The following CDH18 variants were observed in gnomAD, a reference collection of about 807,000 sequenced individuals.
CDH18 encodes cadherin 18.
A neutral mutation model predicts 67.9 loss-of-function variants in CDH18; 31 were observed. The observed-to-expected ratio is 0.46, with a 90% CI of 0.34 to 0.62. The LOEUF is 0.62. Among genes scored for constraint, CDH18 ranks in the 20% least tolerant of loss-of-function variants. The pLI, the probability that CDH18 is intolerant of heterozygous loss-of-function variation, is 0.01. For synonymous variants in CDH18, 362 were observed against 347.2 expected (o/e 1.04, Z -0.48); for missense variants, 890 against 975.5 (o/e 0.91, Z 1.17).
At chr5:19,755,820 C>T (rs576787918) in intron 3 of CDH18, among the ~76,000 whole-genome samples, 2 of 151,924 alleles carry the variant, frequency 1.3e-5, no homozygotes, top group Admixed American at 1.3e-4. Context: ...GGCCAGTCTC[C>T]CCTTTTCACG....
intron 1 of CDH18, among the ~76,000 whole-genome samples, chr5:20,534,482 G>A (rs967616037): frequency 6.6e-6 from 1 of 151,954 alleles, no homozygotes; most frequent in Admixed American, 6.6e-5. Context: ...GAATACAATT[G>A]TCTTTGTTCA....
At chr5:20,110,533 A>T (rs1198865821) in intron 2 of CDH18, among the ~76,000 whole-genome samples, 1 of 152,148 alleles carries the variant, frequency 6.6e-6, no homozygotes, top group Non-Finnish European at 1.5e-5. Context: ...AAATACAAAA[A>T]ATTAGCCGGG....
At chr5:19,629,888 A>G (rs56192743) in intron 5 of CDH18, among the ~76,000 whole-genome samples, 4,517 of 152,274 alleles carry the variant, frequency 0.03, 93 homozygotes, top group Non-Finnish European at 0.047. Context: ...AAATTTGTAG[A>G]AGAAAATTAA....
chr5:20,054,614 C>A (rs929042635), intron 2 of CDH18, among the ~76,000 whole-genome samples: 3 of 152,094 alleles, frequency 2.0e-5, no homozygotes, highest in Non-Finnish European at 4.4e-5. Flanking sequence ...ATTATACCAC[C>A]TTTGCCATCT....
intron 1 of CDH18, among the ~76,000 whole-genome samples, chr5:20,475,123 G>A (rs1310890380): frequency 6.6e-6 from 1 of 152,026 alleles, no homozygotes; most frequent in Non-Finnish European, 1.5e-5. Flanking sequence ...AAAATTCAAT[G>A]TTTAAAATAA....
chr5:20,030,617 G>A (rs1225069893), intron 2 of CDH18, among the ~76,000 whole-genome samples: 2 of 152,112 alleles, frequency 1.3e-5, no homozygotes, highest in Non-Finnish European at 2.9e-5. Flanking sequence ...GCTGAGTTGT[G>A]TTGTACAAAT....
In CDH18 at chr5:20,161,522, G is replaced by C. The variant is rs550193595; in HGVS notation, c.-518+93922C>G. On this transcript the variant is annotated intron_variant, in intron 2 of 14. Transcript: ENST00000507958. ...AAGTCAACTGGAAGTACAGTTCATT[G>C]AGGTAACCAGAGTAAGTTTTCCGTA... 2.0e-5 allele frequency among the ~76,000 whole-genome samples: 3 copies of C among 152,288 alleles called. No individual in the cohort carries two copies. In the South Asian group the frequency reaches 6.2e-4, roughly 32 times the overall value.
chr5:19,858,708 A>G (rs951600159), intron 2 of CDH18, among the ~76,000 whole-genome samples: 12 of 152,188 alleles, frequency 7.9e-5, no homozygotes, highest in African/African-American at 2.9e-4. Flanking sequence ...CAAACTGGAA[A>G]ATGTTCTTGC....
At chr5:20,477,047 T>G (rs1343416671) in intron 1 of CDH18, among the ~76,000 whole-genome samples, 1 of 152,172 alleles carries the variant, frequency 6.6e-6, no homozygotes, top group Non-Finnish European at 1.5e-5. Context: ...TAGGTATTTT[T>G]CTCTTACAGT....
intron 11 of CDH18, among the ~76,000 whole-genome samples, chr5:19,483,854 G>A (rs1048470076): frequency 2.6e-5 from 4 of 152,152 alleles, no homozygotes; most frequent in African/African-American, 4.8e-5. Flanking sequence ...AAAGGGATGC[G>A]GACGGCCTGA....
At chr5:19,850,282 G>A (rs115528152) in intron 2 of CDH18, among the ~76,000 whole-genome samples, 81 of 151,714 alleles carry the variant, frequency 5.3e-4, no homozygotes, top group African/African-American at 1.9e-3. Flanking sequence ...TGTCCCATTC[G>A]TAAAATGTAA....
chr5:20,424,801 G>A (rs1461951425), intron 1 of CDH18, among the ~76,000 whole-genome samples: 1 of 138,476 alleles, frequency 7.2e-6, no homozygotes, highest in Non-Finnish European at 1.5e-5. Context: ...AGGAAAACAT[G>A]GTTTCAGACA....
intron 1 of CDH18, among the ~76,000 whole-genome samples, chr5:20,475,494 C>T (rs777645670): frequency 5.3e-5 from 8 of 152,060 alleles, no homozygotes; most frequent in South Asian, 4.1e-4. Flanking sequence ...AATATTCATA[C>T]GTTGGTAGCT....
At chr5:20,466,982 A>G (rs975964987) in intron 1 of CDH18, among the ~76,000 whole-genome samples, 11 of 152,166 alleles carry the variant, frequency 7.2e-5, no homozygotes, top group Admixed American at 3.3e-4. Flanking sequence ...AAGGAGAGGG[A>G]TAATATGAAA....
At chr5:19,861,231 C>T (rs1784860481) in intron 2 of CDH18, among the ~76,000 whole-genome samples, 1 of 151,978 alleles carries the variant, frequency 6.6e-6, no homozygotes, top group African/African-American at 2.4e-5. Context: ...TATAAATTAA[C>T]TATTGGACTT....
At chr5:19,884,098 A>C (rs1787944645) in intron 2 of CDH18, among the ~76,000 whole-genome samples, 1 of 152,118 alleles carries the variant, frequency 6.6e-6, no homozygotes, top group Non-Finnish European at 1.5e-5. Flanking sequence ...ATTTCTGTGA[A>C]TAGCACATCT....
intron 2 of CDH18, chr5:19,848,141 G>A (rs1447484592): frequency 1.3e-5 from 2 of 152,168 alleles, no homozygotes; most frequent in Non-Finnish European, 2.9e-5. Flanking sequence ...GAGCAGGCAG[G>A]AAACTGCCTG....
chr5:19,601,976 A>C (rs954373712), intron 6 of CDH18, among the ~76,000 whole-genome samples: 1 of 152,184 alleles, frequency 6.6e-6, no homozygotes, highest in South Asian at 2.1e-4. Flanking sequence ...CCATATGTTA[A>C]AACCCCACAA....
intron 2 of CDH18, among the ~76,000 whole-genome samples, chr5:20,123,429 G>GTA (rs1580294790): frequency 1.3e-5 from 2 of 152,246 alleles, no homozygotes; most frequent in South Asian, 4.1e-4. Context: ...CTTACCAAAT[G>GTA]TATAGTCTGA....
Sources: allele counts gnomAD v4.1 joint callset (sites outside exome capture counted in the v4.1 genomes callset), GRCh38; gene constraint gnomAD v4.1.1; transcripts MANE v1.5; gene names NCBI Gene and HGNC (gene_info 2026-07-23, HGNC 2026-07-21).